Variants in AKAP10 observed in about 807,000 individuals in gnomAD.
The protein encoded by AKAP10 is A-kinase anchor protein 10, mitochondrial.
A neutral mutation model predicts 80.8 loss-of-function variants in AKAP10; 24 were observed. The observed-to-expected ratio is 0.30, with a 90% CI of 0.22 to 0.42. AKAP10 has a LOEUF of 0.42. Ranked by LOEUF, AKAP10 falls within the 10% of genes least tolerant of loss-of-function variation. The pLI, the probability that AKAP10 is intolerant of heterozygous loss-of-function variation, is 1.00. For synonymous variants in AKAP10, 291 were observed against 277.7 expected (o/e 1.05, Z -0.48); for missense variants, 661 against 794.9 (o/e 0.83, Z 2.03).
chr17:19,956,911 G>A (rs2043283235), intron 4 of AKAP10, among the ~76,000 whole-genome samples: 1 of 151,956 alleles, frequency 6.6e-6, no homozygotes, highest in Non-Finnish European at 1.5e-5. Context: ...GCCTGGTTGA[G>A]GGAAGGAAGG....
intron 12 of AKAP10, among the ~76,000 whole-genome samples, chr17:19,918,781 A>C (rs958893582): frequency 6.6e-6 from 1 of 152,186 alleles, no homozygotes; most frequent in African/African-American, 2.4e-5. Flanking sequence ...TCCTGTGTAA[A>C]CCAGGAAGAA....
At chr17:19,921,691 C>CA (rs1203439452) in intron 11 of AKAP10, among the ~76,000 whole-genome samples, 6 of 149,772 alleles carry the variant, frequency 4.0e-5, no homozygotes, top group East Asian at 3.9e-4. Flanking sequence ...AAAATTTTTT[C>CA]AAAAAAAAAT....
intron 5 of AKAP10, among the ~76,000 whole-genome samples, chr17:19,942,810 C>A (rs7212924): frequency 7.7e-4 from 117 of 152,132 alleles, no homozygotes; most frequent in African/African-American, 2.7e-3. Flanking sequence ...AGGGATCATA[C>A]TAGTGTCCTG....
rs528503098 is a variant in AKAP10 at position 19,916,638 on chromosome 17, A to T, written c.1834+3398T>A. Among the ~76,000 whole-genome samples, 580 of 141,056 alleles carry T rather than the reference A, an allele frequency of 4.1e-3. 2 individuals are homozygous for T. The highest frequency in any genetic ancestry group is 0.014 in the African/African-American group (520 of 37,844). 92.5% of individuals were successfully genotyped at this position (141,056 alleles called of 152,430 possible). The stretch of plus-strand genomic sequence containing the variant: ...GCTGTCAGAGGTATGAGACCAGATT[A>T]AAAAAAAAAAAAAATCAGGCCAGGC... On this transcript the variant is annotated intron_variant, in intron 12 of 14. Coordinates refer to ENST00000225737, the MANE Select transcript of AKAP10 (RefSeq NM_007202.4).
chr17:19,969,365 T>G (rs2043465884), intron 1 of AKAP10, among the ~76,000 whole-genome samples: 1 of 152,054 alleles, frequency 6.6e-6, no homozygotes, highest in Non-Finnish European at 1.5e-5. Flanking sequence ...AGATAAAGAA[T>G]AATTTGTCTG....
intron 8 of AKAP10, 28 bp from the exon 9 acceptor site, chr17:19,936,458 AT>A (rs1222481840): frequency 3.8e-6 from 6 of 1,581,564 alleles, no homozygotes; most frequent in Middle Eastern, 1.7e-4. Context: ...CCGAAGTAAA[AT>A]CAAATTCCAT....
intron 1 of AKAP10, among the ~76,000 whole-genome samples, chr17:19,968,761 T>C (rs973890656): frequency 6.6e-6 from 1 of 152,174 alleles, no homozygotes; most frequent in Non-Finnish European, 1.5e-5. Context: ...ACAAGTTACT[T>C]ACTTCTCTGG....
rs1458414538 is a variant in AKAP10 at position 19,958,473 on chromosome 17, T to C, written c.418A>G (p.Ile140Val). The C allele has an allele frequency of 1.9e-6, 3 of 1,613,932 alleles. No individual in the cohort carries two copies. Among genetic ancestry groups the C allele is most frequent in the Non-Finnish European group, 2.5e-6 (3 of 1,180,050 alleles). The change falls in exon 4 of 15, where the codon ATT (isoleucine) becomes GTT (valine). Residue 140 changes from isoleucine to valine, a missense_variant. Physicochemically the swap from Ile to Val is conservative, Grantham distance 29 (BLOSUM62 3). Coordinates refer to ENST00000225737, the MANE Select transcript of AKAP10 (RefSeq NM_007202.4). The stretch of plus-strand genomic sequence containing the variant: ...ATTCGCCGAAGTTCCATGAATTGAA[T>C]GAAGTAAGGGAGGACAATAGTGTCG... ...LHDTIVLPYFIQFMELRRMEH... is the reference protein window; with the variant it reads ...LHDTIVLPYFVQFMELRRMEH...
chr17:19,928,460 A>G (rs986661622), intron 10 of AKAP10, among the ~76,000 whole-genome samples: 11 of 152,230 alleles, frequency 7.2e-5, no homozygotes, highest in Non-Finnish European at 4.4e-5. Context: ...TAAAACTCAT[A>G]CACTGCTGGT....
chr17:19,947,358 G>A, intron 5 of AKAP10, 49 bp downstream of exon 5: 1 of 1,401,792 alleles, frequency 7.1e-7, no homozygotes, highest in Non-Finnish European at 1.0e-6. Flanking sequence ...TGTCAGTTCT[G>A]TGCATTTTTT....
chr17:19,951,498 G>A (rs1382310007), intron 4 of AKAP10, among the ~76,000 whole-genome samples: 1 of 150,862 alleles, frequency 6.6e-6, no homozygotes, highest in African/African-American at 2.4e-5. Flanking sequence ...GATTGTTACT[G>A]TGTCTGTGTA....
chr17:19,945,246 G>C (rs918676124), intron 5 of AKAP10, among the ~76,000 whole-genome samples: 1 of 152,020 alleles, frequency 6.6e-6, no homozygotes, highest in Non-Finnish European at 1.5e-5. Flanking sequence ...GTTGCAGTGT[G>C]GTTTCATTTT....
chr17:19,926,054 C>A (rs768178703), intron 10 of AKAP10, among the ~76,000 whole-genome samples: 18 of 152,078 alleles, frequency 1.2e-4, no homozygotes, highest in Non-Finnish European at 8.8e-5. Context: ...CTTAAGCGTT[C>A]AGATACAAAA....
At chr17:19,908,477 G>T (rs1052672878) in intron 14 of AKAP10, among the ~76,000 whole-genome samples, 1 of 152,006 alleles carries the variant, frequency 6.6e-6, no homozygotes, top group African/African-American at 2.4e-5. Context: ...TTTCTGGGGG[G>T]TTCTCTACCT....
In AKAP10 at chr17:19,970,832, A is replaced by AAAT. The variant is rs1567779136; in HGVS notation, c.89-2372_89-2371insATT. Among the ~76,000 whole-genome samples, 34 of 151,508 alleles carry AAAT rather than the reference A, an allele frequency of 2.2e-4. No homozygotes were observed. In the East Asian group the frequency reaches 4.9e-3, roughly 22 times the overall value. ...AGCAAGACTCTGTCTTAAAAAAAAA[A>AAAT]AAATAAATAAATAAATAAAGACATT... On this transcript the variant is annotated intron_variant, in intron 1 of 14. Transcript: ENST00000225737.
chr17:19,933,054 T>C (rs2042954645), intron 9 of AKAP10, among the ~76,000 whole-genome samples: 1 of 152,158 alleles, frequency 6.6e-6, no homozygotes, highest in African/African-American at 2.4e-5. Flanking sequence ...TTTTCGCTTT[T>C]GTCCCCCGGG....
Position 19,920,884 on chromosome 17 carries a change from A to G in AKAP10, c.1752-766T>C, listed in dbSNP as rs1194573927. Among the ~76,000 whole-genome samples, 95 of 140,722 alleles carry G rather than the reference A, an allele frequency of 6.8e-4. 1 individual carries two copies. The highest frequency in any genetic ancestry group is 9.7e-4 in the Non-Finnish European group (62 of 64,020). 92.3% of individuals were successfully genotyped at this position (140,722 alleles called of 152,430 possible). ...AAAAAAAAAAAAAAAAAAAAAAAAA[A>G]AGCAAAAAATACAGTAAGGGTCTTA... On this transcript the variant is annotated intron_variant, in intron 11 of 14. Transcript: ENST00000225737.
At chr17:19,929,331 G>A (rs541608144) in intron 10 of AKAP10, 38 of 152,328 alleles carry the variant, frequency 2.5e-4, no homozygotes, top group African/African-American at 9.1e-4. Flanking sequence ...ATTGTATGAT[G>A]TAAATGTGAA....
chr17:19,915,203 C>A (rs1481715184), intron 12 of AKAP10, among the ~76,000 whole-genome samples: 1 of 152,202 alleles, frequency 6.6e-6, no homozygotes, highest in Non-Finnish European at 1.5e-5. Flanking sequence ...CCATATACAA[C>A]ACATGATGTG....
Sources: allele counts gnomAD v4.1 joint callset (sites outside exome capture counted in the v4.1 genomes callset), GRCh38; gene constraint gnomAD v4.1.1; transcripts MANE v1.5; gene names NCBI Gene and HGNC (gene_info 2026-07-23, HGNC 2026-07-21).